Variants in KIDINS220 observed in about 807,000 individuals in gnomAD.
KIDINS220 encodes the protein kinase D interacting substrate 220.
KIDINS220 carries 63 observed loss-of-function variants against 157.6 expected under a neutral mutation model. The observed-to-expected ratio is 0.40, with a 90% CI of 0.33 to 0.49. The LOEUF (loss-of-function observed/expected upper bound fraction) is 0.49. Ranked by LOEUF, KIDINS220 falls within the 20% of genes least tolerant of loss-of-function variation. KIDINS220 has a pLI of 0.66. For missense variants in KIDINS220, 1,772 were observed against 2,171.2 expected, an observed-to-expected ratio of 0.82 and a Z score of 3.65; for synonymous variants, 732 against 783.6, an observed-to-expected ratio of 0.93 and a Z score of 1.10.
chr2:8,825,779 CCTGCCAAATAATAATAG>C (rs1678688899), intron 2 of KIDINS220: 1 of 152,138 alleles, frequency 6.6e-6, no homozygotes, highest in Non-Finnish European at 1.5e-5. Flanking sequence ...CCTAAAATGT[CCTGCCAAATAATAATAG>C]CTTGGCTTGC....
At chr2:8,820,256 C>T (rs570100223) in intron 2 of KIDINS220, among the ~76,000 whole-genome samples, 3 of 152,136 alleles carry the variant, frequency 2.0e-5, no homozygotes, top group Non-Finnish European at 4.4e-5. Flanking sequence ...TGTTTGTAAC[C>T]ACATTTTCAT....
In KIDINS220 at chr2:8,785,972, G is replaced by A; in HGVS notation, c.1998C>T (p.Ile666=). ...TAATTCCAGATATAATGCAGCCAAT[G>A]ATAAAAAGGAAGATGACAAAAGATG... ...CLPSFVIFLF[I]IGCIISGITL... The change falls in exon 17 of 30, where the codon ATC becomes ATT. Residue 666 remains isoleucine (I), a synonymous_variant. Transcript: ENST00000256707. 1 of 1,612,356 alleles carries A rather than the reference G, an allele frequency of 6.2e-7. No homozygotes were observed. The highest frequency in any genetic ancestry group is 8.5e-7 in the Non-Finnish European group (1 of 1,179,546).
In KIDINS220 at chr2:8,785,935, T is replaced by G; in HGVS notation, c.2035A>C (p.Ile679Leu). The G allele has an allele frequency of 6.2e-7, 1 of 1,614,046 alleles. No individual in the cohort carries two copies. The highest frequency in any genetic ancestry group is 8.5e-7 in the Non-Finnish European group (1 of 1,179,934). Residue 679 changes from isoleucine to leucine, a missense_variant, in exon 17 of 30, where the codon ATA (isoleucine) becomes CTA (leucine). Physicochemically the swap from Ile to Leu is conservative, Grantham distance 5. Coordinates refer to ENST00000256707, the MANE Select transcript of KIDINS220 (RefSeq NM_020738.4). Reference sequence around the variant, plus strand: ...AGATGCTTTGGGTCAACTCTAAATATAGCCAGAAGAGTAATTCCAGATATA... The same window carrying G: ...AGATGCTTTGGGTCAACTCTAAATAGAGCCAGAAGAGTAATTCCAGATATA... ...CIISGITLLA[I>L]FRVDPKHLTV...
At chr2:8,825,372 C>CAAAAAAAAAAAAAG (rs369409976) in intron 2 of KIDINS220, among the ~76,000 whole-genome samples, 1 of 108,666 alleles carries the variant, frequency 9.2e-6, no homozygotes, top group Non-Finnish European at 1.8e-5. Flanking sequence ...GACTCCGTCT[C>CAAAAAAAAAAAAAG]AAAAAAAAAA....
In KIDINS220 at chr2:8,800,388, A is replaced by C; in HGVS notation, c.900+12T>G. The C allele has an allele frequency of 6.4e-7, 1 of 1,561,278 alleles. No homozygotes were observed. The highest frequency in any genetic ancestry group is 1.1e-5 in the South Asian group (1 of 87,404). The stretch of plus-strand genomic sequence containing the variant: ...TACTCTAAGATAGCAACTGCACTGT[A>C]ATCACACATACCTGTCCTCTAATGT... On this transcript the variant is annotated intron_variant, in intron 9 of 29. Coordinates refer to ENST00000256707, the MANE Select transcript of KIDINS220 (RefSeq NM_020738.4).
At chr2:8,744,402 A>C (rs1392953518) in intron 26 of KIDINS220, among the ~76,000 whole-genome samples, 1 of 3,388 alleles carries the variant, frequency 3.0e-4, no homozygotes, top group Non-Finnish European at 5.6e-4. Context: ...TATATATATA[A>C]TATATATATA....
At chr2:8,721,848 T>C (rs1196575559), downstream of KIDINS220, 1 of 152,234 alleles carries the variant, frequency 6.6e-6, no homozygotes, top group Non-Finnish European at 1.5e-5. Flanking sequence ...ATAGTAACTA[T>C]TTTATGCAGT....
chr2:8,788,854 A>C, intron 14 of KIDINS220, 42 bp from the exon 15 acceptor site: 13 of 1,556,916 alleles, frequency 8.3e-6, no homozygotes, highest in Non-Finnish European at 1.1e-5. Flanking sequence ...AGCAGTCACT[A>C]GTCAAGCAGA....
intron 7 of KIDINS220, among the ~76,000 whole-genome samples, 153 bp downstream of exon 7, chr2:8,806,118 A>G (rs192084246): frequency 6.6e-6 from 1 of 152,294 alleles, no homozygotes; most frequent in Admixed American, 6.5e-5. Context: ...ATAATATAAC[A>G]TTCTTAGAGT....
Position 8,746,380 on chromosome 2 carries a change from A to C in KIDINS220, c.3585+765T>G, listed in dbSNP as rs543022186. The C allele has an allele frequency of 5.3e-5, 8 of 152,046 alleles. No homozygotes were observed. The South Asian group carries it at 1.7e-3, about 32-fold the overall frequency. 9.4% of individuals were successfully genotyped at this position (152,046 alleles called of 1,614,324 possible). On this transcript the variant is annotated intron_variant, in intron 26 of 29. Transcript: ENST00000256707. ...CTCGGCCTCCCAAAGTGCTGGGATTACAGGTGTGAACCACCGCGCCTGGCC... is the reference window on the plus strand; with the variant it reads ...CTCGGCCTCCCAAAGTGCTGGGATTCCAGGTGTGAACCACCGCGCCTGGCC...
At chr2:8,785,260 AG>A (rs1672241769) in intron 17 of KIDINS220, among the ~76,000 whole-genome samples, 1 of 152,144 alleles carries the variant, frequency 6.6e-6, no homozygotes, top group South Asian at 2.1e-4. Flanking sequence ...GGGTGGAGGG[AG>A]GGGTGAACAG....
chr2:8,788,839 T>A, intron 14 of KIDINS220, 27 bp from the exon 15 acceptor site: 1 of 1,601,898 alleles, frequency 6.2e-7, no homozygotes, highest in Admixed American at 1.7e-5. Flanking sequence ...AAAAAAGTTA[T>A]CCAAAGCAGT....
chr2:8,789,940 G>C lies in KIDINS220; in HGVS notation c.1561C>G (p.His521Asp). 6.2e-7 allele frequency: 1 copy of C among 1,613,822 alleles called. No individual in the cohort carries two copies. ...GLGLLFAFTV[H>D]PNLGIAVSLS... Reference sequence around the variant, plus strand: ...GACACTGCTATTCCAAGATTTGGGTGGACCGTGAAGGCAAACAATAAACCA... The same window carrying C: ...GACACTGCTATTCCAAGATTTGGGTCGACCGTGAAGGCAAACAATAAACCA... The change falls in exon 14 of 30, where the codon CAC becomes GAC. Residue 521 changes from histidine to aspartate, a missense_variant. By Grantham distance (81) the His-to-Asp change is moderately conservative. This residue lies in a region of KIDINS220 where 725 missense variants were observed against 1,017.1 expected (regional missense o/e 0.71). Coordinates refer to ENST00000256707, the MANE Select transcript of KIDINS220 (RefSeq NM_020738.4).
chr2:8,752,852 T>A (rs1241599719), intron 22 of KIDINS220, among the ~76,000 whole-genome samples: 3 of 152,252 alleles, frequency 2.0e-5, no homozygotes, highest in Admixed American at 6.5e-5. Context: ...ACACAATACC[T>A]CCTAATATAA....
chr2:8,791,084 A>G lies in KIDINS220; in HGVS notation c.1417T>C (p.Ser473Pro). The G allele has an allele frequency of 6.2e-7, 1 of 1,613,586 alleles. No homozygotes were observed. The highest frequency in any genetic ancestry group is 8.5e-7 in the Non-Finnish European group (1 of 1,179,736). ...CCTTCTAGTTTCTTGAGTAAGAAAGATTTCCCACTTCCCCACTGTGCATAT... is the reference window on the plus strand; with the variant it reads ...CCTTCTAGTTTCTTGAGTAAGAAAGGTTTCCCACTTCCCCACTGTGCATAT... ...GLYAQWGSGK[S>P]FLLKKLEDEM... Residue 473 changes from serine (S) to proline (P), a missense_variant, in exon 13 of 30, where the codon TCT becomes CCT. Transcript: ENST00000256707.
chr2:8,777,638 G>A (rs1307783221), intron 20 of KIDINS220, among the ~76,000 whole-genome samples: 1 of 152,124 alleles, frequency 6.6e-6, no homozygotes, highest in African/African-American at 2.4e-5. Flanking sequence ...AAAACTAAGG[G>A]ACAGCCTCTC....
chr2:8,791,112 C>T lies in KIDINS220; in HGVS notation c.1389G>A (p.Gly463=). 1.2e-6 allele frequency: 2 copies of T among 1,614,108 alleles called. No homozygotes were observed. Among genetic ancestry groups the T allele is most frequent in the South Asian group, 1.1e-5 (1 of 91,080 alleles). ...TCCCACTTCCCCACTGTGCATATAACCCCACACAAATGGGTGGCTGCATGG... is the reference window on the plus strand; with the variant it reads ...TCCCACTTCCCCACTGTGCATATAATCCCACACAAATGGGTGGCTGCATGG... ...EPTMQPPICV[G]LYAQWGSGKS... The change falls in exon 13 of 30, where the codon GGG becomes GGA. Residue 463 remains glycine, a synonymous_variant. Transcript: ENST00000256707.
chr2:8,757,454 G>T (rs935614821), intron 22 of KIDINS220: 1 of 1,333,356 alleles, frequency 7.5e-7, no homozygotes, highest in African/African-American at 1.5e-5. Flanking sequence ...ACACTTGATT[G>T]TTTCCAAAGG....
At chr2:8,749,492 C>CCACTAACTACTAAA (rs1667024734) in intron 24 of KIDINS220, 2 of 439,228 alleles carry the variant, frequency 4.6e-6, no homozygotes, top group Non-Finnish European at 4.5e-6. Flanking sequence ...CTTGACAGGG[C>CCACTAACTACTAAA]CTGAATACCA....
Sources: allele counts gnomAD v4.1 joint callset (sites outside exome capture counted in the v4.1 genomes callset), GRCh38; gene constraint gnomAD v4.1.1; regional missense constraint gnomAD v4.1.1; transcripts MANE v1.5; gene names NCBI Gene and HGNC (gene_info 2026-07-23, HGNC 2026-07-21).